The following CHST8 variants were observed in gnomAD, a reference collection of about 807,000 sequenced individuals.
The protein encoded by CHST8 is carbohydrate sulfotransferase 8, also known as GALNAC-4-ST1.
CHST8 carries 10 observed loss-of-function variants against 15.0 expected under a neutral mutation model. That is an observed-to-expected ratio of 0.67 (90% confidence interval 0.41 to 1.13). CHST8 has a LOEUF of 1.13. CHST8 is among the 50% of genes most tolerant of loss of function. The probability of loss-of-function intolerance (pLI) is 0.00; values close to 1 mark genes in which losing one functional copy is unlikely to be tolerated. For missense variants in CHST8, 634 were observed against 608.2 expected, an observed-to-expected ratio of 1.04 and a Z score of -0.45; for synonymous variants, 259 against 256.6, an observed-to-expected ratio of 1.01 and a Z score of -0.09.
intron 3 of CHST8, among the ~76,000 whole-genome samples, chr19:33,718,275 G>A (rs960279936): frequency 1.1e-4 from 11 of 103,448 alleles, no homozygotes; most frequent in African/African-American, 3.2e-4. Context: ...CTGGACTACA[G>A]TGGCCCAATC....
chr19:33,665,766 T>C (rs1472820565), intron 1 of CHST8, among the ~76,000 whole-genome samples: 4 of 151,488 alleles, frequency 2.6e-5, no homozygotes, highest in African/African-American at 7.3e-5. Context: ...TCCTGATGGG[T>C]AGAGGGTGGA....
Position 33,732,225 on chromosome 19 carries a change from C to G in CHST8, c.131-39188C>G, listed in dbSNP as rs543995888. On this transcript the variant is annotated intron_variant, in intron 3 of 4. Coordinates refer to ENST00000650847, the MANE Select transcript of CHST8 (RefSeq NM_001127895.2). ...CACTCAGGAGATCCTCTTGTCTGGT[C>G]CTTCTACCAAGAATCGTTGTTCTGC... Among the ~76,000 whole-genome samples, 27 of 152,300 alleles carry G rather than the reference C, an allele frequency of 1.8e-4. No homozygotes were observed. In the Middle Eastern group the frequency reaches 0.01, roughly 58 times the overall value.
rs189361913 is a variant in CHST8, at chr19:33,734,173, T to C, written c.131-37240T>C. Among the ~76,000 whole-genome samples, 4 of 152,178 alleles carry C rather than the reference T, an allele frequency of 2.6e-5. No homozygotes were observed. The East Asian group carries it at 5.8e-4, about 22-fold the overall frequency. On this transcript the variant is annotated intron_variant, in intron 3 of 4. Transcript: ENST00000650847. The stretch of plus-strand genomic sequence containing the variant: ...GCCGGCTAAAACCCACCAAAACCAA[T>C]GGCCATGGGAGTGACCTCTGGTGGT...
chr19:33,747,534 G>A (rs2145350675), intron 3 of CHST8, among the ~76,000 whole-genome samples: 1 of 152,068 alleles, frequency 6.6e-6, no homozygotes, highest in Middle Eastern at 3.4e-3. Context: ...GTTGCTTAGG[G>A]GATATAGACA....
rs1973700660 is a variant in CHST8, at chr19:33,718,214, TTTTC to T, written c.130+28831_130+28834del. Among the ~76,000 whole-genome samples, 13 of 151,602 alleles carry T rather than the reference TTTTC, an allele frequency of 8.6e-5. No homozygotes were observed. The South Asian group carries it at 2.7e-3, about 32-fold the overall frequency. On this transcript the variant is annotated intron_variant, in intron 3 of 4. Coordinates refer to ENST00000650847, the MANE Select transcript of CHST8 (RefSeq NM_001127895.2). ...GTTGCCTGGTCACTGGATTGTCTTT[TTTTC>T]TTTCTTTTTTTTTTTTTTTAAACAG... is the stretch of plus-strand genomic sequence containing the variant.
At chr19:33,694,763 A>G (rs1457974638) in intron 3 of CHST8, among the ~76,000 whole-genome samples, 1 of 152,168 alleles carries the variant, frequency 6.6e-6, no homozygotes, top group Non-Finnish European at 1.5e-5. Flanking sequence ...TCTTTTTAGT[A>G]GAGACGGGGT....
At chr19:33,708,475 C>A (rs542926060) in intron 3 of CHST8, among the ~76,000 whole-genome samples, 73 of 152,330 alleles carry the variant, frequency 4.8e-4, no homozygotes, top group African/African-American at 1.7e-3. Flanking sequence ...CCAGCACGTG[C>A]TGAAGACTAT....
intron 2 of CHST8, among the ~76,000 whole-genome samples, chr19:33,673,251 T>C (rs996756041): frequency 8.5e-5 from 13 of 152,162 alleles, no homozygotes; most frequent in African/African-American, 2.7e-4. Context: ...AGGAGTCCCA[T>C]TGATCAGGCC....
At chr19:33,771,858 A>G in intron 4 of CHST8, 99 bp from the exon 5 acceptor site, 10 of 1,378,130 alleles carry the variant, frequency 7.3e-6, no homozygotes, top group Non-Finnish European at 9.9e-6. Flanking sequence ...CTCACCTGAG[A>G]GGGACAGGAA....
intron 2 of CHST8, among the ~76,000 whole-genome samples, chr19:33,672,094 A>G (rs1972745372): frequency 6.6e-6 from 1 of 152,166 alleles, no homozygotes; most frequent in Admixed American, 6.5e-5. Flanking sequence ...AATGTTTCAT[A>G]TTAAATTTTA....
chr19:33,771,293 C>T (rs1035121477), intron 3 of CHST8, 120 bp from the exon 4 acceptor site: 35 of 997,740 alleles, frequency 3.5e-5, no homozygotes, highest in Non-Finnish European at 5.6e-5. Context: ...CTGCCTTTCC[C>T]TAGAGCCTAC....
At chr19:33,638,656 C>A (rs1232398315) in intron 1 of CHST8, among the ~76,000 whole-genome samples, 1 of 152,168 alleles carries the variant, frequency 6.6e-6, no homozygotes, top group Non-Finnish European at 1.5e-5. Flanking sequence ...CAATTCCATT[C>A]AAATTCTGTC....
chr19:33,722,325 A>AGATG (rs1217542385), intron 3 of CHST8, among the ~76,000 whole-genome samples: 1 of 149,456 alleles, frequency 6.7e-6, no homozygotes, highest in Non-Finnish European at 1.5e-5. Flanking sequence ...GTGCATGGGC[A>AGATG]GATGGATGGA....
At chr19:33,723,234 ATTTG>A (rs1043594379) in intron 3 of CHST8, among the ~76,000 whole-genome samples, 13 of 152,144 alleles carry the variant, frequency 8.5e-5, no homozygotes, top group Non-Finnish European at 1.9e-4. Context: ...GTATCTGAGT[ATTTG>A]TTTGAGAATG....
intron 1 of CHST8, among the ~76,000 whole-genome samples, chr19:33,636,935 G>T (rs1247707609): frequency 6.6e-6 from 1 of 152,114 alleles, no homozygotes; most frequent in East Asian, 1.9e-4. Context: ...TAAAAGAATG[G>T]CTACTCCATA....
chr19:33,691,929 G>A (rs1973105965), intron 3 of CHST8, among the ~76,000 whole-genome samples: 1 of 152,210 alleles, frequency 6.6e-6, no homozygotes, highest in Non-Finnish European at 1.5e-5. Context: ...GCTGCAGTTT[G>A]TGGCACAACA....
In CHST8 at chr19:33,672,548, G is replaced by A. The variant is rs192321113; in HGVS notation, c.-87+4705G>A. Among the ~76,000 whole-genome samples the A allele has an allele frequency of 1.6e-4, 25 of 152,282 alleles. No homozygotes were observed. In the East Asian group the frequency reaches 4.4e-3, roughly 27 times the overall value. ...TTGTGTACCATCTCATGTCAGCGAC[G>A]GAAAGTGCAAGTTCTTAGGCAGATG... is the stretch of plus-strand genomic sequence containing the variant. On this transcript the variant is annotated intron_variant, in intron 2 of 4. Coordinates refer to ENST00000650847, the MANE Select transcript of CHST8 (RefSeq NM_001127895.2).
At chr19:33,663,991 A>G (rs1396469550) in intron 1 of CHST8, among the ~76,000 whole-genome samples, 1 of 152,248 alleles carries the variant, frequency 6.6e-6, no homozygotes, top group African/African-American at 2.4e-5. Context: ...ATGTACATAT[A>G]TACACCATTT....
intron 3 of CHST8, among the ~76,000 whole-genome samples, chr19:33,758,922 C>T (rs917076422): frequency 1.8e-4 from 26 of 147,006 alleles, no homozygotes; most frequent in African/African-American, 6.5e-4. Context: ...GGTTTCTTGG[C>T]GGGGGGGGGC....
Sources: allele counts gnomAD v4.1 joint callset (sites outside exome capture counted in the v4.1 genomes callset), GRCh38; gene constraint gnomAD v4.1.1; transcripts MANE v1.5; gene names NCBI Gene and HGNC (gene_info 2026-07-23, HGNC 2026-07-21).